The following FSTL5 variants were observed in gnomAD, a reference collection of about 807,000 sequenced individuals.
The protein encoded by FSTL5 is follistatin like 5.
Under a neutral mutation model 89.1 loss-of-function variants are expected in FSTL5, and 62 were observed. The observed-to-expected ratio is 0.70, with a 90% CI of 0.57 to 0.86. The LOEUF is 0.86. Ranked by LOEUF, FSTL5 falls within the 40% of genes least tolerant of loss-of-function variation. The pLI is 0.00. For missense variants in FSTL5, 1,057 were observed against 1,001.6 expected (o/e 1.06, Z -0.75); for synonymous variants, 383 against 346.2 (o/e 1.11, Z -1.18).
At chr4:162,071,408 T>C (rs28761252) in intron 2 of FSTL5, among the ~76,000 whole-genome samples, 4,305 of 151,774 alleles carry the variant, frequency 0.028, 144 homozygotes, top group East Asian at 0.085. Context: ...AAAGGTATTA[T>C]ATAATAATAT....
chr4:162,069,253 AT>A (rs577259522), intron 2 of FSTL5, among the ~76,000 whole-genome samples: 36 of 152,110 alleles, frequency 2.4e-4, no homozygotes, highest in Admixed American at 7.9e-4. Flanking sequence ...CCTTTTAATT[AT>A]TTTTAAATTG....
rs546522098 is a variant in FSTL5, at chr4:162,046,699, A to C, written c.127-13041T>G. 2.0e-5 allele frequency among the ~76,000 whole-genome samples: 3 copies of C among 152,294 alleles called. No homozygotes were observed. The South Asian group carries it at 6.2e-4, about 32-fold the overall frequency. On this transcript the variant is annotated intron_variant, in intron 2 of 15. Coordinates refer to ENST00000306100, the MANE Select transcript of FSTL5 (RefSeq NM_020116.5). ...GTGATAAATAATGATGATTTTTAAA[A>C]ACATAAATCACTAATGAAAAGATTT... is the stretch of plus-strand genomic sequence containing the variant.
intron 7 of FSTL5, among the ~76,000 whole-genome samples, chr4:161,641,107 G>A (rs557486675): frequency 1.3e-5 from 2 of 152,210 alleles, no homozygotes; most frequent in East Asian, 1.9e-4. Context: ...TAAAATCTGT[G>A]GGAATTTGAT....
intron 4 of FSTL5, among the ~76,000 whole-genome samples, chr4:161,836,472 G>GAA (rs1344529669): frequency 6.7e-6 from 1 of 149,228 alleles, no homozygotes; most frequent in Non-Finnish European, 1.5e-5. Context: ...AAAAAAAAAA[G>GAA]AAAAGAAAAG....
At chr4:161,608,343 C>G (rs1330670755) in intron 7 of FSTL5, among the ~76,000 whole-genome samples, 3 of 152,060 alleles carry the variant, frequency 2.0e-5, no homozygotes, top group Non-Finnish European at 2.9e-5. Flanking sequence ...TAACAGTTCA[C>G]CTCGGTACCA....
intron 6 of FSTL5, among the ~76,000 whole-genome samples, chr4:161,721,238 A>ACTGCAGT (rs1407771512): frequency 7.3e-6 from 1 of 136,814 alleles, no homozygotes; most frequent in African/African-American, 2.6e-5. Flanking sequence ...AGATTGCGCC[A>ACTGCAGT]CTGCAGTCCG....
rs1333274142 is a variant in FSTL5 at position 161,780,228 on chromosome 4, G to C, written c.410-4154C>G. Among the ~76,000 whole-genome samples the C allele has an allele frequency of 2.7e-5, 4 of 150,856 alleles. No homozygotes were observed. The East Asian group carries it at 7.8e-4, about 29-fold the overall frequency. ...ATTTAATAATTATTTAATAATAATT[G>C]ATAGGAAAGAAAAACATCTAGCACG... On this transcript the variant is annotated intron_variant, in intron 4 of 15. Transcript: ENST00000306100.
intron 4 of FSTL5, among the ~76,000 whole-genome samples, chr4:161,879,827 T>C (rs1732568404): frequency 6.6e-6 from 1 of 152,214 alleles, no homozygotes; most frequent in Admixed American, 6.5e-5. Context: ...TCCCCTTGCT[T>C]ACACTTACCA....
At position 161,748,581 on chromosome 4, in the gene FSTL5, C is replaced by G. The variant is rs1416846068; in HGVS notation, c.727+10830G>C. On this transcript the variant is annotated intron_variant, in intron 6 of 15. Coordinates refer to ENST00000306100, the MANE Select transcript of FSTL5 (RefSeq NM_020116.5). ...AGCTGTTTCACTGTTAATTGCTGGA[C>G]TGAAATAATGCAAAGGGGAAGCACG... 3.5e-5 allele frequency among the ~76,000 whole-genome samples: 5 copies of G among 143,834 alleles called. No homozygotes were observed. The East Asian group carries it at 8.2e-4, about 23-fold the overall frequency. 94.4% of individuals were successfully genotyped at this position (143,834 alleles called of 152,430 possible). A position where few individuals can be genotyped will look rare whatever the true frequency, so the allele number is the denominator to read the frequency against.
intron 13 of FSTL5, among the ~76,000 whole-genome samples, chr4:161,469,768 G>A (rs1166876065): frequency 1.3e-5 from 2 of 151,802 alleles, no homozygotes; most frequent in Non-Finnish European, 2.9e-5. Flanking sequence ...CTCCTGAGTG[G>A]CTGGGACTAC....
chr4:161,846,300 C>T (rs190891983), intron 4 of FSTL5, among the ~76,000 whole-genome samples: 1 of 151,316 alleles, frequency 6.6e-6, no homozygotes, highest in African/African-American at 2.4e-5. Flanking sequence ...GTAATTTTAC[C>T]ATATATTAAA....
chr4:162,107,110 T>C (rs1167045119), intron 2 of FSTL5, among the ~76,000 whole-genome samples: 1 of 152,184 alleles, frequency 6.6e-6, no homozygotes, highest in Non-Finnish European at 1.5e-5. Context: ...TACTATCACA[T>C]GAATGTGGGG....
intron 15 of FSTL5, among the ~76,000 whole-genome samples, chr4:161,450,089 GGAAGGATTAAT>G (rs1453337604): frequency 5.9e-5 from 9 of 152,054 alleles, no homozygotes; most frequent in African/African-American, 1.9e-4. Context: ...ATAATTCTCA[GGAAGGATTAAT>G]GAAGATTTTT....
intron 6 of FSTL5, among the ~76,000 whole-genome samples, chr4:161,723,999 A>T (rs536362411): frequency 6.6e-6 from 1 of 152,300 alleles, no homozygotes; most frequent in South Asian, 2.1e-4. Flanking sequence ...TGAAAGAATA[A>T]AAAGGTAAAA....
intron 12 of FSTL5, among the ~76,000 whole-genome samples, chr4:161,483,896 T>A (rs1054465004): frequency 6.6e-6 from 1 of 152,128 alleles, no homozygotes; most frequent in Admixed American, 6.5e-5. Flanking sequence ...ATAAATAAGA[T>A]ATTAAACTAA....
intron 6 of FSTL5, among the ~76,000 whole-genome samples, chr4:161,731,306 G>A (rs1435825042): frequency 6.6e-6 from 1 of 152,038 alleles, no homozygotes; most frequent in Non-Finnish European, 1.5e-5. Context: ...ACACTGATAT[G>A]GCTTGGCTCT....
intron 9 of FSTL5, 111 bp from the exon 10 acceptor site, chr4:161,538,411 C>T: frequency 1.7e-6 from 2 of 1,170,510 alleles, no homozygotes; most frequent in Non-Finnish European, 1.2e-6. Context: ...TAAACTGTTT[C>T]CCTTCCTACT....
intron 1 of FSTL5, among the ~76,000 whole-genome samples, chr4:162,119,264 TA>T (rs1443356649): frequency 6.7e-6 from 1 of 149,366 alleles, no homozygotes; most frequent in Non-Finnish European, 1.5e-5. Context: ...ATGAATCAGA[TA>T]AAAGATACTT....
intron 8 of FSTL5, among the ~76,000 whole-genome samples, chr4:161,565,552 AC>A (rs1732767583): frequency 1.3e-5 from 2 of 151,714 alleles, no homozygotes; most frequent in Non-Finnish European, 2.9e-5. Flanking sequence ...AAATCTTGGT[AC>A]CTTTTCAGGC....
Sources: allele counts gnomAD v4.1 joint callset (sites outside exome capture counted in the v4.1 genomes callset), GRCh38; gene constraint gnomAD v4.1.1; transcripts MANE v1.5; gene names NCBI Gene and HGNC (gene_info 2026-07-23, HGNC 2026-07-21).